Variants in RPS10 observed in about 807,000 individuals in gnomAD.
The protein encoded by RPS10 is small ribosomal subunit protein eS10.
In RPS10, 2 loss-of-function variants were observed where a neutral mutation model predicts 22.6. The ratio of observed to expected loss-of-function variants is 0.09; its 90% CI spans 0.04 to 0.28. The LOEUF is 0.28. Among genes scored for constraint, RPS10 ranks in the 10% least tolerant of loss-of-function variants. The pLI is 1.00. For synonymous variants in RPS10, 70 were observed against 75.9 expected (o/e 0.92, Z 0.40); for missense variants, 137 against 222.2 (o/e 0.62, Z 2.44).
rs560235969 is a variant in RPS10 at position 34,426,057 on chromosome 6, G to C, written c.-26C>G. The C allele has an allele frequency of 2.6e-5, 4 of 152,360 alleles. No individual in the cohort carries two copies. Among genetic ancestry groups the C allele is most frequent in the Admixed American group, 6.5e-5 (1 of 15,274 alleles). The allele number at this position is 152,360 out of a possible 1,614,324, so 9.4% of individuals were successfully genotyped here. A position where few individuals can be genotyped will look rare whatever the true frequency, so the allele number is the denominator to read the frequency against. On this transcript the variant is annotated 5_prime_UTR_variant, in exon 1 of 6. Coordinates refer to ENST00000648437, the MANE Select transcript of RPS10 (RefSeq NM_001014.5). Reference sequence around the variant, plus strand: ...CTCTGCGGCTGCAGGGTCCGGTACCGGGGCTGGAAAGGAAGGAGCATGCGC... The same window carrying C: ...CTCTGCGGCTGCAGGGTCCGGTACCCGGGCTGGAAAGGAAGGAGCATGCGC...
At chr6:34,418,453 A>G (rs1475082786) in intron 4 of RPS10, 29 bp from the exon 5 acceptor site, 3 of 1,614,188 alleles carry the variant, frequency 1.9e-6, no homozygotes, top group South Asian at 2.2e-5. Flanking sequence ...ATTTAGAATC[A>G]TCATATGATC....
Position 34,424,690 on chromosome 6 carries a change from T to A in RPS10, c.301A>T (p.Thr101Ser), listed in dbSNP as rs1334541038. Residue 101 changes from threonine (T) to serine (S), a missense_variant, in exon 3 of 6, where the codon ACT (threonine) becomes TCT (serine). Thr to Ser is a moderately conservative substitution (Grantham distance 58). Transcript: ENST00000648437. Reference protein sequence around the residue: ...PATLRRSRPETGRPRPKGLEG... With the variant: ...PATLRRSRPESGRPRPKGLEG... ...ATACCTTTAGGCCGAGGCCTGCCAG[T>A]CTCTGGACGGCTACGGCGTAGGGTG... 1.2e-6 allele frequency: 2 copies of A among 1,614,024 alleles called. No individual in the cohort carries two copies. The highest frequency in any genetic ancestry group is 2.7e-5 in the African/African-American group (2 of 74,926).
intron 3 of RPS10, among the ~76,000 whole-genome samples, chr6:34,423,670 G>T (rs933421626): frequency 6.6e-6 from 1 of 152,126 alleles, no homozygotes; most frequent in Admixed American, 6.6e-5. Context: ...GATCACCTGA[G>T]GTCAGGAGTT....
At chr6:34,423,540 A>AT (rs1425960531) in intron 3 of RPS10, among the ~76,000 whole-genome samples, 1 of 152,136 alleles carries the variant, frequency 6.6e-6, no homozygotes, top group African/African-American at 2.4e-5. Flanking sequence ...AGGCACTGGT[A>AT]TTTTTTTCTC....
chr6:34,425,393 C>T, intron 1 of RPS10, 172 bp from the exon 2 acceptor site: 4 of 768,420 alleles, frequency 5.2e-6, no homozygotes, highest in Admixed American at 4.4e-5. Flanking sequence ...GTCCCCACCC[C>T]CAAACACAAT....
intron 3 of RPS10, among the ~76,000 whole-genome samples, chr6:34,422,019 G>GAA (rs34411335): frequency 5.4e-5 from 7 of 129,280 alleles, no homozygotes; most frequent in Non-Finnish European, 1.1e-4. Flanking sequence ...CTGCAAATCT[G>GAA]AAAAAAAAAA....
At chr6:34,425,434 C>T in intron 1 of RPS10, 1 of 603,282 alleles carries the variant, frequency 1.7e-6, no homozygotes, top group South Asian at 1.8e-5. Context: ...TATGTTAAAA[C>T]CAGGATAGTG....
chr6:34,418,770 G>A (rs1765660460), intron 4 of RPS10, among the ~76,000 whole-genome samples: 1 of 152,070 alleles, frequency 6.6e-6, no homozygotes, highest in African/African-American at 2.4e-5. Context: ...AAAGGGAAGG[G>A]CCCACAAAAG....
chr6:34,420,089 CAAAT>C (rs772263141), intron 4 of RPS10, among the ~76,000 whole-genome samples: 2 of 152,210 alleles, frequency 1.3e-5, no homozygotes, highest in African/African-American at 2.4e-5. Flanking sequence ...CATTAGTACT[CAAAT>C]AACCTGTTTC....
Position 34,423,537 on chromosome 6 carries a change from G to A in RPS10, c.322+1132C>T, listed in dbSNP as rs189262189. 8.5e-5 allele frequency among the ~76,000 whole-genome samples: 13 copies of A among 152,264 alleles called. No homozygotes were observed. In the East Asian group the frequency reaches 2.5e-3, roughly 29 times the overall value. On this transcript the variant is annotated intron_variant, in intron 3 of 5. Transcript: ENST00000648437. ...AATATATCAAGCACAGATAGGCACT[G>A]GTATTTTTTTCTCCCAGGAGATTCC...
At chr6:34,418,142 G>C in intron 5 of RPS10, 1 of 1,456,786 alleles carries the variant, frequency 6.9e-7, no homozygotes, top group Non-Finnish European at 9.1e-7. Context: ...GAAAATACTA[G>C]TAGGCCACAT....
intron 4 of RPS10, among the ~76,000 whole-genome samples, chr6:34,419,682 A>C (rs1315803013): frequency 6.6e-6 from 1 of 151,860 alleles, no homozygotes; most frequent in African/African-American, 2.4e-5. Flanking sequence ...GGTTCAAGCG[A>C]TTCTCCTGCC....
At chr6:34,420,202 G>A (rs889811472) in intron 4 of RPS10, among the ~76,000 whole-genome samples, 1 of 152,080 alleles carries the variant, frequency 6.6e-6, no homozygotes, top group Non-Finnish European at 1.5e-5. Context: ...TGCCAATAAC[G>A]AATATGGTTT....
intron 4 of RPS10, among the ~76,000 whole-genome samples, chr6:34,419,344 G>A (rs762133570): frequency 7.2e-5 from 11 of 151,728 alleles, no homozygotes; most frequent in South Asian, 2.1e-4. Flanking sequence ...TATATTTTTT[G>A]TAGAGATGGG....
At chr6:34,422,496 G>A (rs1405790239) in intron 3 of RPS10, among the ~76,000 whole-genome samples, 2 of 152,078 alleles carry the variant, frequency 1.3e-5, no homozygotes, top group East Asian at 1.9e-4. Context: ...TGTATTTTTA[G>A]TAGAAAGGGG....
intron 3 of RPS10, 29 bp downstream of exon 3, chr6:34,424,640 A>C: frequency 6.2e-7 from 1 of 1,613,758 alleles, no homozygotes; most frequent in Non-Finnish European, 8.5e-7. Context: ...ATCTTCAAAT[A>C]GCTGAAGGGA....
intron 4 of RPS10, among the ~76,000 whole-genome samples, chr6:34,419,011 T>C (rs1765669164): frequency 6.6e-6 from 1 of 151,912 alleles, no homozygotes; most frequent in African/African-American, 2.4e-5. Flanking sequence ...TACAGGCAGC[T>C]AATTTTTATA....
At chr6:34,417,580 C>A in intron 5 of RPS10, 33 bp from the exon 6 acceptor site, 1 of 1,611,930 alleles carries the variant, frequency 6.2e-7, no homozygotes, top group South Asian at 1.1e-5. Context: ...TCAGCATGAG[C>A]GGCACTCTGG....
intron 1 of RPS10, chr6:34,425,635 C>T: frequency 3.7e-6 from 1 of 269,824 alleles, no homozygotes; most frequent in Non-Finnish European, 7.4e-6. Context: ...TTCTTGAAGG[C>T]GGCAGACCCC....
Sources: gnomAD v4.1 joint callset for allele counts (sites outside exome capture counted in the v4.1 genomes callset) on GRCh38, gnomAD v4.1.1 for gene constraint, MANE v1.5 for transcripts, NCBI Gene and HGNC (gene_info 2026-07-23, HGNC 2026-07-21) for gene names.